VCAN: variants seen among roughly 807,000 people sequenced by gnomAD.
VCAN encodes the protein versican core protein.
VCAN carries 44 observed loss-of-function variants against 245.5 expected under a neutral mutation model. The ratio of observed to expected loss-of-function variants is 0.18; its 90% confidence interval spans 0.14 to 0.23. The LOEUF (loss-of-function observed/expected upper bound fraction) is 0.23, where lower values mean the gene tolerates loss of function less well. Among genes scored for constraint, VCAN ranks in the 10% least tolerant of loss-of-function variants. The pLI is 1.00. For missense variants in VCAN, 3,793 were observed against 4,057.9 expected, an observed-to-expected ratio of 0.93 and a Z score of 1.77; for synonymous variants, 1,413 against 1,437.0, an observed-to-expected ratio of 0.98 and a Z score of 0.38.
chr5:83,531,052 T>G (rs1231463399), intron 7 of VCAN, among the ~76,000 whole-genome samples: 1 of 152,122 alleles, frequency 6.6e-6, no homozygotes, highest in Admixed American at 6.6e-5. Flanking sequence ...GAAAATAAAT[T>G]CTGGTGGACC....
chr5:83,571,712 T>C (rs1195294245), intron 12 of VCAN, among the ~76,000 whole-genome samples: 1 of 152,138 alleles, frequency 6.6e-6, no homozygotes, highest in Non-Finnish European at 1.5e-5. Flanking sequence ...ATAAATGTCA[T>C]AAATGTTTCT....
In VCAN at chr5:83,545,631, C is replaced by T. The variant is rs760243636; in HGVS notation, c.9360C>T (p.Ser3120=). ...TATGCACCTGTGTGCCAGGATACAGCGGAGACCAGTGTGAACTTGGTAAGA... is the reference window on the plus strand; with the variant it reads ...TATGCACCTGTGTGCCAGGATACAGTGGAGACCAGTGTGAACTTGGTAAGA... ...SYVCTCVPGY[S]GDQCELDFDE... is the part of the protein sequence containing the mutation. Residue 3120 remains serine, a synonymous_variant, in exon 9 of 15, where the codon AGC becomes AGT. Coordinates refer to ENST00000265077, the MANE Select transcript of VCAN (RefSeq NM_004385.5). 2.7e-5 allele frequency: 43 copies of T among 1,613,644 alleles called. No homozygotes were observed. Among genetic ancestry groups the T allele is most frequent in the South Asian group, 1.5e-4 (14 of 91,066 alleles).
chr5:83,552,245 C>T (rs60035530), intron 10 of VCAN, among the ~76,000 whole-genome samples: 121 of 152,258 alleles, frequency 7.9e-4, no homozygotes, highest in African/African-American at 2.7e-3. Flanking sequence ...CCAAAACTAA[C>T]GTATAAAGCA....
intron 10 of VCAN, among the ~76,000 whole-genome samples, chr5:83,550,066 T>C (rs1747401323): frequency 6.6e-6 from 1 of 152,212 alleles, no homozygotes; most frequent in Non-Finnish European, 1.5e-5. Context: ...TAGAAAGGGC[T>C]ATTGGAACAG....
Position 83,539,106 on chromosome 5 carries a change from G to A in VCAN, c.6103G>A (p.Gly2035Ser), listed in dbSNP as rs1169587341. The A allele has an allele frequency of 1.2e-6, 2 of 1,613,962 alleles. No individual in the cohort carries two copies. The highest frequency in any genetic ancestry group is 1.1e-5 in the South Asian group (1 of 91,080). Residue 2035 changes from glycine to serine, a missense_variant, in exon 8 of 15, where the codon GGT becomes AGT. Gly to Ser is a moderately conservative substitution (Grantham distance 56, BLOSUM62 0). This residue lies in a region of VCAN where 3,182 missense variants were observed against 3,250.3 expected (regional missense o/e 0.98). Transcript: ENST00000265077. Reference protein sequence around the residue: ...VLPSAVQKFSGTASSIIDEGL... With the variant: ...VLPSAVQKFSSTASSIIDEGL... ...TCCCAGTGCTGTGCAAAAGTTTTCT[G>A]GTACAGCTTCCTCCATTATCGACGA... is the stretch of plus-strand genomic sequence containing the variant.
At position 83,493,839 on chromosome 5, in the gene VCAN, G is replaced by C; in HGVS notation, c.656G>C (p.Gly219Ala). The C allele has an allele frequency of 6.2e-7, 1 of 1,614,118 alleles. No homozygotes were observed. The highest frequency in any genetic ancestry group is 2.2e-5 in the East Asian group (1 of 44,880). ...CGGGCTCCCAGAGTAGGCTGTTATG[G>C]AGATAAGATGGGAAAGGCAGGAGTC... The part of the protein sequence containing the change: ...PIRAPRVGCY[G>A]DKMGKAGVRT... Residue 219 changes from glycine (G) to alanine (A), a missense_variant, in exon 5 of 15, where the codon GGA becomes GCA. Gly to Ala is a moderately conservative substitution (Grantham distance 60). Coordinates refer to ENST00000265077, the MANE Select transcript of VCAN (RefSeq NM_004385.5).
intron 8 of VCAN, chr5:83,544,996 G>T (rs1194918046): frequency 6.0e-6 from 1 of 166,168 alleles, no homozygotes; most frequent in African/African-American, 2.4e-5. Context: ...CGTGTTTTTG[G>T]AAAAAGCATG....
Position 83,520,192 on chromosome 5 carries a change from G to A in VCAN, c.1886G>A (p.Gly629Asp), listed in dbSNP as rs778077504. The stretch of plus-strand genomic sequence containing the variant: ...GACTGGGAAGAGAGACAAACTAGTG[G>A]TAGGATAACGGAAGAGTTTCTTGGC... ...MDDWEERQTS[G>D]RITEEFLGKY... Residue 629 changes from glycine to aspartate, a missense_variant, in exon 7 of 15, where the codon GGT (glycine) becomes GAT (aspartate). This residue lies in a region of VCAN where 3,182 missense variants were observed against 3,250.3 expected (regional missense o/e 0.98). Transcript: ENST00000265077. The A allele has an allele frequency of 7.4e-6, 12 of 1,613,910 alleles. No individual in the cohort carries two copies. The Admixed American group carries it at 2.0e-4, about 27-fold the overall frequency.
Position 83,550,453 on chromosome 5 carries a change from GA to G in VCAN, c.9493+2370del, listed in dbSNP as rs1327703797. ...AAGGTTGCCTTTTAATAAATAAAAA[GA>G]GTTTCACATAATTTTTAGGTAAGGT... is the stretch of plus-strand genomic sequence containing the variant. On this transcript the variant is annotated intron_variant, in intron 10 of 14. Coordinates refer to ENST00000265077, the MANE Select transcript of VCAN (RefSeq NM_004385.5). Among the ~76,000 whole-genome samples the G allele has an allele frequency of 2.6e-5, 4 of 152,248 alleles. No individual in the cohort carries two copies. In the South Asian group the frequency reaches 6.2e-4, roughly 24 times the overall value.
intron 5 of VCAN, among the ~76,000 whole-genome samples, chr5:83,494,609 G>T (rs1745099130): frequency 1.3e-5 from 2 of 152,080 alleles, no homozygotes; most frequent in Admixed American, 1.3e-4. Context: ...AGACAAATTT[G>T]AGTTCAATAG....
Position 83,545,571 on chromosome 5 carries a change from C to G in VCAN, c.9300C>G (p.Asn3100Lys). The G allele has an allele frequency of 6.2e-7, 1 of 1,614,092 alleles. No individual in the cohort carries two copies. Among genetic ancestry groups the G allele is most frequent in the East Asian group, 2.2e-5 (1 of 44,866 alleles). Residue 3100 changes from asparagine to lysine, a missense_variant, in exon 9 of 15, where the codon AAC becomes AAG. By Grantham distance (94) the Asn-to-Lys change is moderately conservative (BLOSUM62 0). This residue lies in a region of VCAN where 3,182 missense variants were observed against 3,250.3 expected (regional missense o/e 0.98). Coordinates refer to ENST00000265077, the MANE Select transcript of VCAN (RefSeq NM_004385.5). Reference sequence around the variant, plus strand: ...GCTGCAAAATGAACCCGTGCCTTAACGGAGGCACCTGTTATCCTACTGAAA... The same window carrying G: ...GCTGCAAAATGAACCCGTGCCTTAAGGGAGGCACCTGTTATCCTACTGAAA... ...PDRCKMNPCL[N>K]GGTCYPTETS...
chr5:83,539,902 A>G lies in VCAN; in HGVS notation c.6899A>G (p.Asp2300Gly). 1 of 1,614,068 alleles carries G rather than the reference A, an allele frequency of 6.2e-7. No individual in the cohort carries two copies. The highest frequency in any genetic ancestry group is 8.5e-7 in the Non-Finnish European group (1 of 1,179,966). The change falls in exon 8 of 15, where the codon GAC becomes GGC. Residue 2300 changes from aspartate (D) to glycine (G), a missense_variant. By Grantham distance (94) the Asp-to-Gly change is moderately conservative (BLOSUM62 -1). Transcript: ENST00000265077. ...VESTSSDKIE[D>G]FNRMENVAKE... ...AGTACCTCAAGTGACAAAATTGAAG[A>G]CTTTAACAGAATGGAAAATGTGGCA... is the stretch of plus-strand genomic sequence containing the variant.
intron 13 of VCAN, among the ~76,000 whole-genome samples, chr5:83,575,833 G>C (rs1276849756): frequency 6.6e-6 from 1 of 152,026 alleles, no homozygotes; most frequent in East Asian, 1.9e-4. Context: ...TGGATAACAA[G>C]TTTTATAAAA....
chr5:83,509,933 A>T (rs1745600269), intron 5 of VCAN, among the ~76,000 whole-genome samples: 1 of 152,194 alleles, frequency 6.6e-6, no homozygotes, highest in African/African-American at 2.4e-5. Context: ...GTTGGGAAGG[A>T]TAGGGGGAAA....
chr5:83,501,254 T>C (rs1370546796), intron 5 of VCAN, among the ~76,000 whole-genome samples: 2 of 152,186 alleles, frequency 1.3e-5, no homozygotes, highest in Non-Finnish European at 1.5e-5. Context: ...CAGTGAGTTG[T>C]CTTTTTACTT....
chr5:83,529,470 T>G (rs1348261731), intron 7 of VCAN, among the ~76,000 whole-genome samples: 2 of 152,042 alleles, frequency 1.3e-5, no homozygotes, highest in African/African-American at 4.8e-5. Context: ...TTTAAATGAT[T>G]ACTTATAATA....
At chr5:83,546,273 C>A (rs1212249889) in intron 9 of VCAN, among the ~76,000 whole-genome samples, 1 of 151,108 alleles carries the variant, frequency 6.6e-6, no homozygotes, top group Non-Finnish European at 1.5e-5. Context: ...GTTGATTTGG[C>A]TACATATAGA....
intron 10 of VCAN, among the ~76,000 whole-genome samples, chr5:83,550,193 A>T (rs1747406362): frequency 6.6e-6 from 1 of 152,232 alleles, no homozygotes; most frequent in Admixed American, 6.5e-5. Flanking sequence ...TATGTCAGAG[A>T]GGTTGAAAAC....
chr5:83,546,893 T>C (rs1477212960), intron 9 of VCAN, among the ~76,000 whole-genome samples: 1 of 152,246 alleles, frequency 6.6e-6, no homozygotes, highest in Non-Finnish European at 1.5e-5. Flanking sequence ...ATTTTTAGTG[T>C]AATTGCAAAA....
Sources: gnomAD v4.1 joint callset for allele counts (sites outside exome capture counted in the v4.1 genomes callset) on GRCh38, gnomAD v4.1.1 for gene constraint, gnomAD v4.1.1 regional missense constraint, MANE v1.5 for transcripts, NCBI Gene and HGNC (gene_info 2026-07-23, HGNC 2026-07-21) for gene names.